The following KLF13 variants were observed in gnomAD, a reference collection of about 807,000 sequenced individuals.
KLF13 encodes KLF transcription factor 13, also known as Krueppel-like factor 13.
A neutral mutation model predicts 16.7 loss-of-function variants in KLF13; 8 were observed. That is an observed-to-expected ratio of 0.48 (90% CI 0.28 to 0.87). The LOEUF (loss-of-function observed/expected upper bound fraction) is 0.87, where lower values mean the gene tolerates loss of function less well. KLF13 is among the 40% of genes least tolerant of loss of function. The pLI is 0.10. For synonymous variants in KLF13, 245 were observed against 208.4 expected (o/e 1.18, Z -1.51); for missense variants, 447 against 452.2 (o/e 0.99, Z 0.10).
intron 2 of KLF13, among the ~76,000 whole-genome samples, chr15:31,397,880 G>GGGTGGTGGT (rs71896588): frequency 1.4e-5 from 2 of 146,468 alleles, no homozygotes; most frequent in Middle Eastern, 3.4e-3. Flanking sequence ...GCGGCGGGGG[G>GGGTGGTGGT]GGTGGTGATC....
chr15:31,380,202 G>A (rs1481925942), downstream of KLF13, among the ~76,000 whole-genome samples: 1 of 152,196 alleles, frequency 6.6e-6, no homozygotes, highest in Non-Finnish European at 1.5e-5. Flanking sequence ...TGAGGCAGGA[G>A]AATCGTTTGA....
intron 1 of KLF13, among the ~76,000 whole-genome samples, chr15:31,341,764 G>A (rs576544681): frequency 6.6e-6 from 1 of 152,108 alleles, no homozygotes; most frequent in African/African-American, 2.4e-5. Flanking sequence ...CCTGACCTGA[G>A]CCCCCCTTCC....
chr15:31,336,773 T>C (rs16956694), intron 1 of KLF13, among the ~76,000 whole-genome samples: 3,518 of 152,160 alleles, frequency 0.023, 147 homozygotes, highest in African/African-American at 0.081. Flanking sequence ...AGCAGGTCAT[T>C]GGTCTCGGGT....
In KLF13 at chr15:31,327,418, C is replaced by G; in HGVS notation, c.206C>G (p.Ala69Gly). 7.9e-7 allele frequency: 1 copy of G among 1,262,446 alleles called. No homozygotes were observed. The highest frequency in any genetic ancestry group is 1.0e-6 in the Non-Finnish European group (1 of 1,001,858). 78.2% of individuals were successfully genotyped at this position (1,262,446 alleles called of 1,614,324 possible). The change falls in exon 1 of 2, where the codon GCG (alanine) becomes GGG (glycine). Residue 69 changes from alanine (A) to glycine (G), a missense_variant. Ala to Gly is a moderately conservative substitution (Grantham distance 60, BLOSUM62 0). Around this residue, in one of 2 missense-constraint regions of KLF13, gnomAD observed 359 missense variants for 282.8 expected, o/e 1.27. Transcript: ENST00000307145. Reference protein sequence around the residue: ...ASLFVVARILADLNQQAPAPA... With the variant: ...ASLFVVARILGDLNQQAPAPA... ...CTCTTCGTGGTGGCGCGGATCCTAG[C>G]GGACCTCAACCAGCAAGCGCCGGCG...
At chr15:31,360,229 G>A (rs1481620185) in intron 1 of KLF13, among the ~76,000 whole-genome samples, 2 of 152,226 alleles carry the variant, frequency 1.3e-5, no homozygotes, top group Non-Finnish European at 2.9e-5. Context: ...AGGAAACAGG[G>A]CCAGCAGGAT....
intron 1 of KLF13, among the ~76,000 whole-genome samples, chr15:31,383,831 G>T (rs991199408): frequency 3.9e-5 from 6 of 152,182 alleles, no homozygotes; most frequent in African/African-American, 1.4e-4. Context: ...GAACCTGGGA[G>T]GCAGAGCTTG....
At chr15:31,344,254 CAGG>C (rs1465956376) in intron 1 of KLF13, among the ~76,000 whole-genome samples, 1 of 152,224 alleles carries the variant, frequency 6.6e-6, no homozygotes, top group Non-Finnish European at 1.5e-5. Context: ...CAGCCTGTGT[CAGG>C]AGGGGAGTGG....
chr15:31,358,114 G>A (rs1259066730), intron 1 of KLF13, among the ~76,000 whole-genome samples: 1 of 152,146 alleles, frequency 6.6e-6, no homozygotes, highest in African/African-American at 2.4e-5. Context: ...GCTGAGAGTT[G>A]TCCAGCTGTT....
rs1481119612 is a variant in KLF13 at position 31,401,810 on chromosome 15, A to C, written n.530-1618A>C. On this transcript the variant is annotated intron_variant and non_coding_transcript_variant, in intron 2 of 2. Transcript: ENST00000500533. ...TGGCTGCATGGCCCACTTCAGCATG[A>C]GGGCTGAGTCTCCAAGGGCAGTCCC... Among the ~76,000 whole-genome samples, 3 of 152,196 alleles carry C rather than the reference A, an allele frequency of 2.0e-5. No individual in the cohort carries two copies. The South Asian group carries it at 6.2e-4, about 31-fold the overall frequency.
rs2038944418 is a variant in KLF13, at chr15:31,337,248, C to T, written c.577+9459C>T. ...ATCGCTGAGGTCTTACTTCCTTCTT[C>T]CGCCCGCCTTACACGTGGAAGGTTT... On this transcript the variant is annotated intron_variant, in intron 1 of 1. Transcript: ENST00000307145. Among the ~76,000 whole-genome samples the T allele has an allele frequency of 2.6e-5, 4 of 152,222 alleles. No individual in the cohort carries two copies. The South Asian group carries it at 8.3e-4, about 31-fold the overall frequency.
intron 1 of KLF13, among the ~76,000 whole-genome samples, chr15:31,428,208 G>T (rs1384741612): frequency 6.6e-6 from 1 of 152,190 alleles, no homozygotes; most frequent in Non-Finnish European, 1.5e-5. Flanking sequence ...GACCTGGGAA[G>T]AGAGAGGAAA....
chr15:31,333,661 G>T (rs560174456), intron 1 of KLF13, among the ~76,000 whole-genome samples: 2 of 151,868 alleles, frequency 1.3e-5, no homozygotes, highest in African/African-American at 4.8e-5. Context: ...CTGATACGCA[G>T]TCCATATTCA....
Position 31,327,161 on chromosome 15 carries a change from G to T in KLF13, c.-52G>T. 1.7e-6 allele frequency: 2 copies of T among 1,158,270 alleles called. No homozygotes were observed. Among genetic ancestry groups the T allele is most frequent in the Non-Finnish European group, 1.1e-6 (1 of 936,296 alleles). 71.7% of individuals were successfully genotyped at this position (1,158,270 alleles called of 1,614,324 possible). A position where few individuals can be genotyped will look rare whatever the true frequency, so the allele number is the denominator to read the frequency against. ...CTCTCCCGAGGCCGTGGGTGCGGATGCGCGGCTGACGACTCGCAGCAAGAG... is the reference window on the plus strand; with the variant it reads ...CTCTCCCGAGGCCGTGGGTGCGGATTCGCGGCTGACGACTCGCAGCAAGAG... On this transcript the variant is annotated 5_prime_UTR_variant, in exon 1 of 2. It removes an upstream start codon present in the reference 5' UTR. Transcript: ENST00000307145.
intron 1 of KLF13, among the ~76,000 whole-genome samples, chr15:31,365,174 G>A (rs1289245631): frequency 6.6e-6 from 1 of 152,196 alleles, no homozygotes; most frequent in Non-Finnish European, 1.5e-5. Context: ...GGAGACTGGG[G>A]ACAGTGGCCT....
Position 31,393,967 on chromosome 15 carries a change from G to A in KLF13, n.529+276G>A, listed in dbSNP as rs547156905. Among the ~76,000 whole-genome samples, 88 of 152,290 alleles carry A rather than the reference G, an allele frequency of 5.8e-4. No individual in the cohort carries two copies. In the South Asian group the frequency reaches 0.013, roughly 22 times the overall value. On this transcript the variant is annotated intron_variant and non_coding_transcript_variant, in intron 2 of 2. Coordinates refer to the KLF13 transcript ENST00000500533. The stretch of plus-strand genomic sequence containing the variant: ...ACTGCCTTTGCCCTTGCATCTCAGG[G>A]GGCTCCCACAGGGATCACCTGGACA...
At position 31,372,505 on chromosome 15, in the gene KLF13, A is replaced by C; in HGVS notation, c.*206A>C. ...CCACCCACCAAATTGCACAATAGAT[A>C]CACCCACAAAGTTGAGATTCAGCGT... On this transcript the variant is annotated 3_prime_UTR_variant, in exon 2 of 2. Transcript: ENST00000307145. 1 of 566,720 alleles carries C rather than the reference A, an allele frequency of 1.8e-6. No individual in the cohort carries two copies. The highest frequency in any genetic ancestry group is 2.9e-5 in the South Asian group (1 of 34,340). 35.1% of individuals were successfully genotyped at this position (566,720 alleles called of 1,614,324 possible).
intron 1 of KLF13, among the ~76,000 whole-genome samples, chr15:31,384,851 C>T (rs1044773823): frequency 6.6e-6 from 1 of 152,172 alleles, no homozygotes; most frequent in East Asian, 1.9e-4. Context: ...ACCAAACACA[C>T]CAAGCAATGC....
At chr15:31,346,062 C>T (rs779880974) in intron 1 of KLF13, among the ~76,000 whole-genome samples, 2 of 152,058 alleles carry the variant, frequency 1.3e-5, no homozygotes, top group South Asian at 4.2e-4. Context: ...TGTACAGATG[C>T]CTGCCTCACG....
rs2039589125 is a variant in KLF13 at position 31,373,425 on chromosome 15, G to A, written c.*1126G>A. On this transcript the variant is annotated 3_prime_UTR_variant, in exon 2 of 2. Transcript: ENST00000307145. ...ATGTTACAGGAAATGCTGTCGGAGAGCGCGCATTCTATTTCCTCCGCAGGG... is the reference window on the plus strand; with the variant it reads ...ATGTTACAGGAAATGCTGTCGGAGAACGCGCATTCTATTTCCTCCGCAGGG... The A allele has an allele frequency of 6.6e-6, 1 of 152,266 alleles. No individual in the cohort carries two copies. Among genetic ancestry groups the A allele is most frequent in the South Asian group, 2.1e-4 (1 of 4,836 alleles). The allele number at this position is 152,266 out of a possible 1,614,324, so 9.4% of individuals were successfully genotyped here.
Sources: allele counts gnomAD v4.1 joint callset (sites outside exome capture counted in the v4.1 genomes callset), GRCh38; gene constraint gnomAD v4.1.1; regional missense constraint gnomAD v4.1.1; transcripts MANE v1.5; gene names NCBI Gene and HGNC (gene_info 2026-07-23, HGNC 2026-07-21).